The following SUMF1 variants were observed in gnomAD, a reference collection of about 807,000 sequenced individuals.
The protein encoded by SUMF1 is formylglycine-generating enzyme.
SUMF1 carries 48 observed loss-of-function variants against 47.6 expected under a neutral mutation model. The ratio of observed to expected loss-of-function variants is 1.01; its 90% CI spans 0.80 to 1.28. The LOEUF is 1.28. SUMF1 is among the 50% of genes most tolerant of loss of function. The probability of loss-of-function intolerance (pLI) is 0.00; values close to 1 mark genes in which losing one functional copy is unlikely to be tolerated. For synonymous variants in SUMF1, 230 were observed against 192.1 expected, an observed-to-expected ratio of 1.20 and a Z score of -1.63; for missense variants, 571 against 485.4, an observed-to-expected ratio of 1.18 and a Z score of -1.66.
At chr3:4,275,622 C>T (rs1697398629) in intron 8 of SUMF1, among the ~76,000 whole-genome samples, 1 of 152,290 alleles carries the variant, frequency 6.6e-6, no homozygotes, top group South Asian at 2.1e-4. Context: ...TTAGTCTATT[C>T]AGGACCTATC....
chr3:4,161,714 C>A (rs1370627696), intron 8 of SUMF1, among the ~76,000 whole-genome samples: 1 of 152,070 alleles, frequency 6.6e-6, no homozygotes, highest in African/African-American at 2.4e-5. Flanking sequence ...CCCCTCTGAT[C>A]TAGGGCAGGT....
chr3:4,233,696 T>G (rs1696349720), intron 8 of SUMF1, among the ~76,000 whole-genome samples: 2 of 152,168 alleles, frequency 1.3e-5, no homozygotes, highest in Admixed American at 1.3e-4. Flanking sequence ...GATGAGCAGA[T>G]GTGAAATGCT....
At chr3:4,412,295 T>C (rs1701569294) in intron 6 of SUMF1, among the ~76,000 whole-genome samples, 1 of 152,052 alleles carries the variant, frequency 6.6e-6, no homozygotes, top group East Asian at 1.9e-4. Context: ...AAATGCAGAA[T>C]GGGATGAGTA....
chr3:4,280,832 TGTGTGTGTGTGTGTGTGTGTGTGTGTGTG>T (rs1697514166), intron 8 of SUMF1, among the ~76,000 whole-genome samples: 3 of 41,738 alleles, frequency 7.2e-5, no homozygotes, highest in African/African-American at 4.3e-4. Flanking sequence ...TGTGTGTGTG[TGTGTGTGTGTGTGTGTGTGTGTGTGTGTG>T]TGTGTGTGTG....
chr3:4,416,006 T>C (rs1449841001), intron 6 of SUMF1, among the ~76,000 whole-genome samples: 2 of 152,146 alleles, frequency 1.3e-5, no homozygotes, highest in Non-Finnish European at 2.9e-5. Context: ...ATTTCTGTTG[T>C]TTACAAATTA....
chr3:4,072,784 A>T (rs1391815043), intron 8 of SUMF1, among the ~76,000 whole-genome samples: 4 of 152,096 alleles, frequency 2.6e-5, no homozygotes, highest in Non-Finnish European at 5.9e-5. Flanking sequence ...AGATTAGAGA[A>T]AAAAAGAGTG....
intron 8 of SUMF1, among the ~76,000 whole-genome samples, chr3:4,072,629 T>C (rs1467430432): frequency 6.6e-6 from 1 of 152,010 alleles, no homozygotes; most frequent in East Asian, 1.9e-4. Flanking sequence ...CAGCGTAGAG[T>C]AGAACATAAA....
chr3:4,175,588 C>T (rs559632042), intron 8 of SUMF1, among the ~76,000 whole-genome samples: 4 of 152,168 alleles, frequency 2.6e-5, no homozygotes, highest in Non-Finnish European at 5.9e-5. Flanking sequence ...GGGGAGAAAC[C>T]ACAGCAGAAA....
intron 1 of SUMF1, among the ~76,000 whole-genome samples, chr3:4,453,909 T>C (rs1285305196): frequency 6.6e-6 from 1 of 152,090 alleles, no homozygotes; most frequent in Non-Finnish European, 1.5e-5. Context: ...GCTCAAGTGA[T>C]CCTCCCACCT....
chr3:4,300,231 T>A (rs1017525995), intron 8 of SUMF1, among the ~76,000 whole-genome samples: 1 of 152,198 alleles, frequency 6.6e-6, no homozygotes, highest in African/African-American at 2.4e-5. Context: ...TCACTGCTCC[T>A]GCTTTGACCA....
intron 8 of SUMF1, among the ~76,000 whole-genome samples, chr3:4,205,014 T>C (rs1410030293): frequency 2.0e-5 from 3 of 152,134 alleles, no homozygotes; most frequent in South Asian, 2.1e-4. Flanking sequence ...GGTGAGGTTA[T>C]TGTCAGGCCT....
chr3:4,157,839 G>C (rs550253589), intron 8 of SUMF1, among the ~76,000 whole-genome samples: 1 of 151,230 alleles, frequency 6.6e-6, no homozygotes, highest in Non-Finnish European at 1.5e-5. Flanking sequence ...CCCTGTCACC[G>C]AGTTAAAAAC....
intron 8 of SUMF1, among the ~76,000 whole-genome samples, chr3:4,276,877 T>A (rs1358017094): frequency 5.9e-5 from 9 of 152,168 alleles, no homozygotes; most frequent in Non-Finnish European, 1.3e-4. Flanking sequence ...TTAAAAACCT[T>A]GACAAAATAA....
chr3:4,249,270 G>C (rs775305067), intron 8 of SUMF1, among the ~76,000 whole-genome samples: 1 of 152,062 alleles, frequency 6.6e-6, no homozygotes, highest in Non-Finnish European at 1.5e-5. Flanking sequence ...TATACAGACA[G>C]TCTTATTTTA....
Position 4,056,105 on chromosome 3 carries a change from G to A in SUMF1, c.1191+12464C>T, listed in dbSNP as rs71313807. The stretch of plus-strand genomic sequence containing the variant: ...TCCCTATTTTATGGTCAGCTGATTA[G>A]CAACTTTAATTCTATCTGCAACCTT... On this transcript the variant is annotated intron_variant and NMD_transcript_variant, in intron 9 of 12. Transcript: ENST00000448413. Among the ~76,000 whole-genome samples the A allele has an allele frequency of 9.0e-4, 137 of 152,156 alleles. 3 individuals carry two copies. Among genetic ancestry groups the A allele is most frequent in the Admixed American group, 2.3e-3 (35 of 15,278 alleles).
At chr3:4,256,437 A>G (rs1184811241) in intron 8 of SUMF1, among the ~76,000 whole-genome samples, 1 of 144,020 alleles carries the variant, frequency 6.9e-6, no homozygotes, top group African/African-American at 2.6e-5. Flanking sequence ...AGGGGATATC[A>G]CTACCGATCC....
chr3:4,211,004 C>G (rs968880152), intron 8 of SUMF1, among the ~76,000 whole-genome samples: 24 of 150,498 alleles, frequency 1.6e-4, no homozygotes, highest in Non-Finnish European at 5.9e-5. Flanking sequence ...CCAAGTTCTT[C>G]AGCTTTGGGA....
At chr3:4,206,001 T>C (rs891564448) in intron 8 of SUMF1, among the ~76,000 whole-genome samples, 1 of 152,054 alleles carries the variant, frequency 6.6e-6, no homozygotes, top group Non-Finnish European at 1.5e-5. Context: ...GGACTGAGTC[T>C]TTCTCTTCAG....
At chr3:4,322,669 AAAAG>A (rs1559225246) in intron 8 of SUMF1, among the ~76,000 whole-genome samples, 2 of 152,044 alleles carry the variant, frequency 1.3e-5, no homozygotes, top group African/African-American at 2.4e-5. Flanking sequence ...TAAAAAAAAA[AAAAG>A]AAAGAAAAAA....
Sources: gnomAD v4.1 joint callset for allele counts (sites outside exome capture counted in the v4.1 genomes callset) on GRCh38, gnomAD v4.1.1 for gene constraint, MANE v1.5 for transcripts, NCBI Gene and HGNC (gene_info 2026-07-23, HGNC 2026-07-21) for gene names.